The following USP34 variants were observed in gnomAD, a reference collection of about 807,000 sequenced individuals.
The protein encoded by USP34 is ubiquitin specific peptidase 34.
In USP34, 70 loss-of-function variants were observed where a neutral mutation model predicts 460.3. The ratio of observed to expected loss-of-function variants is 0.15; its 90% confidence interval spans 0.13 to 0.19. The LOEUF is 0.19. USP34 is among the 10% of genes least tolerant of loss of function. USP34 has a pLI of 1.00. For synonymous variants in USP34, 1,647 were observed against 1,405.3 expected, an observed-to-expected ratio of 1.17 and a Z score of -3.85; for missense variants, 3,985 against 4,236.2, an observed-to-expected ratio of 0.94 and a Z score of 1.65.
At chr2:61,424,982 G>A (rs2103982849) in intron 1 of USP34, among the ~76,000 whole-genome samples, 1 of 152,150 alleles carries the variant, frequency 6.6e-6, no homozygotes, top group Middle Eastern at 3.4e-3. Context: ...ACCACGCCCG[G>A]CTAATTTTTG....
At chr2:61,403,999 A>AAAC (rs1285381476) in intron 3 of USP34, among the ~76,000 whole-genome samples, 1 of 139,872 alleles carries the variant, frequency 7.1e-6, no homozygotes, top group Non-Finnish European at 1.5e-5. Flanking sequence ...TCTCAAAAAA[A>AAAC]AAAAAAAAAA....
At chr2:61,468,651 T>C (rs1695856896) in intron 1 of USP34, among the ~76,000 whole-genome samples, 1 of 152,200 alleles carries the variant, frequency 6.6e-6, no homozygotes. Context: ...TCTTAGAGGG[T>C]GCACATGACC....
rs570943387 is a variant in USP34, at chr2:61,267,569, A to G, written c.5434-1402T>C. Among the ~76,000 whole-genome samples the G allele has an allele frequency of 4.3e-4, 66 of 152,032 alleles. 1 individual carries two copies. Among genetic ancestry groups the G allele is most frequent in the Middle Eastern group, 3.4e-3 (1 of 294 alleles). On this transcript the variant is annotated intron_variant, in intron 41 of 79. Coordinates refer to ENST00000398571, the MANE Select transcript of USP34 (RefSeq NM_014709.4). ...GCGATTCTCCTGCCTCAGCCTCCCAAGTAGCTGGGATTACAGGCACCTGCC... is the reference window on the plus strand; with the variant it reads ...GCGATTCTCCTGCCTCAGCCTCCCAGGTAGCTGGGATTACAGGCACCTGCC...
intron 10 of USP34, among the ~76,000 whole-genome samples, chr2:61,353,400 T>G (rs1281847828): frequency 6.6e-6 from 1 of 151,332 alleles, no homozygotes; most frequent in Non-Finnish European, 1.5e-5. Context: ...GAATGTTTTT[T>G]TTTTTTTTTT....
intron 1 of USP34, among the ~76,000 whole-genome samples, chr2:61,452,841 C>T (rs1005687173): frequency 2.0e-5 from 3 of 150,404 alleles, no homozygotes; most frequent in Admixed American, 6.7e-5. Context: ...GTCTTGATCA[C>T]GCCACTCACT....
chr2:61,334,841 C>T (rs940770124), intron 18 of USP34, among the ~76,000 whole-genome samples: 3 of 152,090 alleles, frequency 2.0e-5, no homozygotes, highest in African/African-American at 7.2e-5. Context: ...TAAAGGAATG[C>T]TTTTCTCCAG....
chr2:61,284,684 C>T (rs72813503), intron 35 of USP34, among the ~76,000 whole-genome samples, 191 bp downstream of exon 35: 22,022 of 152,044 alleles, frequency 0.14, 2,141 homozygotes, highest in South Asian at 0.36. Context: ...ACAGAAAATA[C>T]GTGACTCATA....
At chr2:61,350,083 T>C (rs137906563) in intron 12 of USP34, among the ~76,000 whole-genome samples, 177 bp downstream of exon 12, 3 of 152,292 alleles carry the variant, frequency 2.0e-5, no homozygotes, top group East Asian at 1.9e-4. Flanking sequence ...TATCCTTCAC[T>C]TAAAAGGTAA....
intron 1 of USP34, among the ~76,000 whole-genome samples, chr2:61,432,354 C>T (rs1256620317): frequency 4.6e-5 from 7 of 152,096 alleles, no homozygotes; most frequent in Admixed American, 1.3e-4. Context: ...CCCGTACCTA[C>T]AGTCTTAGCT....
intron 16 of USP34, among the ~76,000 whole-genome samples, chr2:61,342,610 C>A (rs868529691): frequency 4.6e-4 from 70 of 152,128 alleles, no homozygotes; most frequent in Middle Eastern, 3.4e-3. Context: ...CCATGCCCAG[C>A]CCTTATTGAC....
intron 1 of USP34, among the ~76,000 whole-genome samples, chr2:61,449,925 G>C (rs1412440729): frequency 6.6e-6 from 1 of 152,128 alleles, no homozygotes; most frequent in Non-Finnish European, 1.5e-5. Context: ...AATAAGCTGG[G>C]CATGGTGGCG....
intron 37 of USP34, 96 bp from the exon 38 acceptor site, chr2:61,281,338 T>C (rs1689530254): frequency 7.0e-7 from 1 of 1,420,026 alleles, no homozygotes; most frequent in Non-Finnish European, 9.4e-7. Flanking sequence ...AATACAATGT[T>C]CTGCCGGGCA....
At chr2:61,214,853 C>T (rs1687355412) in intron 67 of USP34, among the ~76,000 whole-genome samples, 159 bp from the exon 68 acceptor site, 1 of 152,146 alleles carries the variant, frequency 6.6e-6, no homozygotes, top group Admixed American at 6.5e-5. Flanking sequence ...CCCTTGGCCC[C>T]ACAAAAAGAT....
chr2:61,390,096 G>C (rs1489602212), intron 5 of USP34, among the ~76,000 whole-genome samples: 2 of 152,106 alleles, frequency 1.3e-5, no homozygotes, highest in Non-Finnish European at 2.9e-5. Context: ...AATTGCTATT[G>C]TGTTCCCCTA....
At chr2:61,387,789 C>T (rs1029000696) in intron 5 of USP34, among the ~76,000 whole-genome samples, 1 of 145,530 alleles carries the variant, frequency 6.9e-6, no homozygotes, top group Admixed American at 6.9e-5. Flanking sequence ...CGTATACACA[C>T]ATGTAAAAAT....
At chr2:61,470,258 G>A (rs954276115) in intron 1 of USP34, among the ~76,000 whole-genome samples, 1 of 152,158 alleles carries the variant, frequency 6.6e-6, no homozygotes, top group Non-Finnish European at 1.5e-5. Context: ...GGCGGCCGGA[G>A]GATTTGGACT....
chr2:61,422,229 A>G (rs868037978), intron 1 of USP34, among the ~76,000 whole-genome samples: 4 of 152,230 alleles, frequency 2.6e-5, no homozygotes, highest in Non-Finnish European at 5.9e-5. Flanking sequence ...AAGGTGAAGA[A>G]GGGATCACAG....
intron 67 of USP34, 29 bp downstream of exon 67, chr2:61,220,281 G>A: frequency 1.9e-6 from 3 of 1,577,196 alleles, no homozygotes; most frequent in African/African-American, 1.4e-5. Flanking sequence ...TAAATAAATG[G>A]TTTATGAAAT....
chr2:61,380,627 G>A (rs1341393788), intron 6 of USP34, among the ~76,000 whole-genome samples: 1 of 152,126 alleles, frequency 6.6e-6, no homozygotes, highest in African/African-American at 2.4e-5. Flanking sequence ...ACAAGAATTT[G>A]CAATGTGACT....
Sources: gnomAD v4.1 joint callset for allele counts (sites outside exome capture counted in the v4.1 genomes callset) on GRCh38, gnomAD v4.1.1 for gene constraint, MANE v1.5 for transcripts, NCBI Gene and HGNC (gene_info 2026-07-23, HGNC 2026-07-21) for gene names.